RAP1GAP: variants seen among roughly 807,000 people sequenced by gnomAD.
The protein encoded by RAP1GAP is rap1 GTPase-activating protein 1.
A neutral mutation model predicts 87.2 loss-of-function variants in RAP1GAP; 35 were observed. That is an observed-to-expected ratio of 0.40 (90% CI 0.31 to 0.53). RAP1GAP has a LOEUF of 0.53. Among genes scored for constraint, RAP1GAP ranks in the 20% least tolerant of loss-of-function variants. The probability of loss-of-function intolerance (pLI) is 0.48; values close to 1 mark genes in which losing one functional copy is unlikely to be tolerated. For synonymous variants in RAP1GAP, 375 were observed against 363.9 expected (o/e 1.03, Z -0.35); for missense variants, 734 against 898.9 (o/e 0.82, Z 2.35).
intron 22 of RAP1GAP, 95 bp from the exon 23 acceptor site, chr1:21,598,159 A>C (rs1214685553): frequency 1.2e-6 from 1 of 841,990 alleles, no homozygotes; most frequent in East Asian, 2.7e-5. Context: ...AGTGCGCTCC[A>C]ACCCCACCCT....
intron 1 of RAP1GAP, among the ~76,000 whole-genome samples, chr1:21,661,345 C>T (rs534673546): frequency 6.6e-6 from 1 of 152,176 alleles, no homozygotes; most frequent in Admixed American, 6.5e-5. Context: ...GACCTAATCT[C>T]TGACCCTCAA....
intron 18 of RAP1GAP, among the ~76,000 whole-genome samples, chr1:21,604,128 C>CG (rs1558624987): frequency 6.6e-6 from 1 of 151,550 alleles, no homozygotes; most frequent in East Asian, 1.9e-4. Flanking sequence ...ACAAGGGAGA[C>CG]GGGGGAGAGA....
At chr1:21,607,123 C>T (rs181608844) in intron 17 of RAP1GAP, among the ~76,000 whole-genome samples, 3 of 152,264 alleles carry the variant, frequency 2.0e-5, no homozygotes, top group South Asian at 2.1e-4. Flanking sequence ...ACCAGCCGGC[C>T]GGGAAGCTGG....
At chr1:21,620,293 C>A (rs1237954895) in intron 3 of RAP1GAP, among the ~76,000 whole-genome samples, 1 of 152,190 alleles carries the variant, frequency 6.6e-6, no homozygotes, top group Non-Finnish European at 1.5e-5. Flanking sequence ...AGCCACCCAC[C>A]CACTCAGTCC....
chr1:21,653,652 C>T (rs2096739707), intron 1 of RAP1GAP, among the ~76,000 whole-genome samples: 1 of 151,664 alleles, frequency 6.6e-6, no homozygotes. Context: ...CCCTCCCTTC[C>T]TCCCTCCCTC....
intron 2 of RAP1GAP, among the ~76,000 whole-genome samples, chr1:21,637,461 T>C (rs1350364132): frequency 6.6e-6 from 1 of 152,004 alleles, no homozygotes; most frequent in Non-Finnish European, 1.5e-5. Context: ...GCCCCACATC[T>C]GGAATTCTTT....
rs1215227663 is a variant in RAP1GAP, at chr1:21,635,351, C to G, written c.-112-8954G>C. The stretch of plus-strand genomic sequence containing the variant: ...TCCAGGCATTCCTTCGCTCACTCAC[C>G]CACTCGGTCATCTACCCACTCCCCC... On this transcript the variant is annotated intron_variant, in intron 2 of 24. Transcript: ENST00000374765. Among the ~76,000 whole-genome samples, 4 of 152,294 alleles carry G rather than the reference C, an allele frequency of 2.6e-5. No individual in the cohort carries two copies. The East Asian group carries it at 7.7e-4, about 29-fold the overall frequency.
Position 21,599,520 on chromosome 1 carries a change from C to T in RAP1GAP, c.1750G>A (p.Gly584Ser). 2 of 1,609,558 alleles carry T rather than the reference C, an allele frequency of 1.2e-6. No individual in the cohort carries two copies. Among genetic ancestry groups the T allele is most frequent in the Non-Finnish European group, 1.7e-6 (2 of 1,179,964 alleles). ...AGGCCTGTGTCCTCTCCGTCCACAC[C>T]CTCCGTCTCCTCCACCACGCTGGCG... ...SFASVVEETE[G>S]VDGEDTGLES... The change falls in exon 21 of 25, where the codon GGT becomes AGT. Residue 584 changes from glycine to serine, a missense_variant. By Grantham distance (56) the Gly-to-Ser change is moderately conservative. This residue lies in a region of RAP1GAP where 249 missense variants were observed against 252.7 expected (regional missense o/e 0.99). Coordinates refer to ENST00000374765, the MANE Select transcript of RAP1GAP (RefSeq NM_002885.4).
At chr1:21,666,615 A>AGGGGAGGCTTTGCT (rs2097357822) in intron 1 of RAP1GAP, among the ~76,000 whole-genome samples, 1 of 152,076 alleles carries the variant, frequency 6.6e-6, no homozygotes, top group Non-Finnish European at 1.5e-5. Flanking sequence ...AGAGGGAGGA[A>AGGGGAGGCTTTGCT]GGGGAGGCTT....
chr1:21,659,449 C>T (rs1390346570), intron 1 of RAP1GAP, among the ~76,000 whole-genome samples: 4 of 152,168 alleles, frequency 2.6e-5, no homozygotes, highest in Non-Finnish European at 4.4e-5. Flanking sequence ...ATGGAGGCGG[C>T]CCCAGCGCCC....
At position 21,613,497 on chromosome 1, in the gene RAP1GAP, C is replaced by G; in HGVS notation, c.474+131G>C. The stretch of plus-strand genomic sequence containing the variant: ...AGACACGATGGGAACAAGTGAGAGA[C>G]AGCCTCAGGATAGGGCGGCAGGCCA... On this transcript the variant is annotated intron_variant, in intron 9 of 24. Coordinates refer to ENST00000374765, the MANE Select transcript of RAP1GAP (RefSeq NM_002885.4). The surrounding 1 kb of genome is among the most constrained non-coding windows in gnomAD (Gnocchi z 4.7). The G allele has an allele frequency of 3.4e-6, 3 of 887,364 alleles. No individual in the cohort carries two copies. Among genetic ancestry groups the G allele is most frequent in the Non-Finnish European group, 5.5e-6 (3 of 545,606 alleles). 55.0% of individuals were successfully genotyped at this position (887,364 alleles called of 1,614,324 possible). A position where few individuals can be genotyped will look rare whatever the true frequency, so the allele number is the denominator to read the frequency against.
intron 19 of RAP1GAP, 105 bp downstream of exon 19, chr1:21,602,699 G>T: frequency 1.0e-6 from 1 of 976,224 alleles, no homozygotes; most frequent in Non-Finnish European, 1.5e-6. Flanking sequence ...TGGGGATGGA[G>T]AGGCAGAGGG....
rs565559369 is a variant in RAP1GAP at position 21,599,125 on chromosome 1, C to T, written c.1776+369G>A. Among the ~76,000 whole-genome samples, 70 of 152,252 alleles carry T rather than the reference C, an allele frequency of 4.6e-4. 1 individual carries two copies. The South Asian group carries it at 0.014, about 30-fold the overall frequency. On this transcript the variant is annotated intron_variant, in intron 21 of 24. Transcript: ENST00000374765. ...CCAGCCTGGCAAAGAAAGGAGGAGGCGGCAGGAAGAGTGTTCCAGACAGAA... is the reference window on the plus strand; with the variant it reads ...CCAGCCTGGCAAAGAAAGGAGGAGGTGGCAGGAAGAGTGTTCCAGACAGAA...
At position 21,601,709 on chromosome 1, in the gene RAP1GAP, G is replaced by A. The variant is rs759128043; in HGVS notation, c.1627C>T (p.Pro543Ser). ...KSENSSTQSSPEMPTTKNRAE... is the reference protein window; with the variant it reads ...KSENSSTQSSSEMPTTKNRAE... ...CTGTTCTTGGTCGTGGGCATCTCTG[G>A]GGAGCTCTGAGTGGATGAGTTCTCC... The change falls in exon 20 of 25, where the codon CCA (proline) becomes TCA (serine). Residue 543 changes from proline (P) to serine (S), a missense_variant. By Grantham distance (74) the Pro-to-Ser change is moderately conservative (BLOSUM62 -1). Coordinates refer to ENST00000374765, the MANE Select transcript of RAP1GAP (RefSeq NM_002885.4). 1 of 1,611,418 alleles carries A rather than the reference G, an allele frequency of 6.2e-7. No individual in the cohort carries two copies. The highest frequency in any genetic ancestry group is 8.5e-7 in the Non-Finnish European group (1 of 1,178,280).
rs568535152 is a variant in RAP1GAP, at chr1:21,664,299, C to G, written c.-149+4955G>C. On this transcript the variant is annotated intron_variant, in intron 1 of 24. Coordinates refer to ENST00000374765, the MANE Select transcript of RAP1GAP (RefSeq NM_002885.4). ...AACAGGCGAGGGGGCCATCCTTACA[C>G]AGCAGTGGCAGGGCAGAGAACTACG... Among the ~76,000 whole-genome samples, 300 of 152,328 alleles carry G rather than the reference C, an allele frequency of 2.0e-3. 1 individual carries two copies. The highest frequency in any genetic ancestry group is 7.0e-3 in the African/African-American group (291 of 41,582).
chr1:21,603,951 CAGAG>C lies in RAP1GAP; in HGVS notation c.1429-1042_1429-1039del, dbSNP rs1331294431. The C allele has an allele frequency of 7.2e-6, 10 of 1,390,596 alleles. No homozygotes were observed. Among genetic ancestry groups the C allele is most frequent in the Non-Finnish European group, 9.8e-6 (10 of 1,021,464 alleles). The allele number at this position is 1,390,596 out of a possible 1,614,324, so 86.1% of individuals were successfully genotyped here. A position where few individuals can be genotyped will look rare whatever the true frequency, so the allele number is the denominator to read the frequency against. The stretch of plus-strand genomic sequence containing the variant: ...GAGGGCGGGGGCAGAGAGAGAGAGA[CAGAG>C]AGAGAGTCAGAGAGCAAGAGAGATG... On this transcript the variant is annotated intron_variant, in intron 18 of 24. Transcript: ENST00000374765. This position sits in a 1 kb window ranked among gnomAD's most constrained non-coding sequence, Gnocchi z 6.0.
chr1:21,664,286 G>A (rs947883181), intron 1 of RAP1GAP, among the ~76,000 whole-genome samples: 1 of 152,134 alleles, frequency 6.6e-6, no homozygotes, highest in Non-Finnish European at 1.5e-5. Flanking sequence ...CAGGCGAGGG[G>A]GCCATCCTTA....
intron 7 of RAP1GAP, among the ~76,000 whole-genome samples, chr1:21,616,554 G>A (rs904000263): frequency 1.7e-4 from 26 of 152,178 alleles, no homozygotes; most frequent in African/African-American, 6.3e-4. Context: ...CAGAGCCCAC[G>A]ACACACTTCC....
chr1:21,664,612 A>G (rs941388690), intron 1 of RAP1GAP, among the ~76,000 whole-genome samples: 2 of 152,168 alleles, frequency 1.3e-5, no homozygotes, highest in Non-Finnish European at 2.9e-5. Context: ...CTGAACACCT[A>G]ATATGTGCCA....
Sources: allele counts gnomAD v4.1 joint callset (sites outside exome capture counted in the v4.1 genomes callset), GRCh38; gene constraint gnomAD v4.1.1; regional missense constraint gnomAD v4.1.1; non-coding constraint Gnocchi (gnomAD v3.1); transcripts MANE v1.5; gene names NCBI Gene and HGNC (gene_info 2026-07-23, HGNC 2026-07-21).